The following CSTPP1 variants were observed in gnomAD, a reference collection of about 807,000 sequenced individuals.
CSTPP1 encodes centriolar satellite-associated tubulin polyglutamylase complex regulator 1, also known as UPF0705 protein C11orf49.
At chr11:46,973,632 C>A in the CSTPP1 span, among the ~76,000 whole-genome samples, 1 of 152,132 alleles carries the variant, frequency 6.6e-6, no homozygotes, top group Non-Finnish European at 1.5e-5. Flanking sequence ...GAATCAGTCC[C>A]ATTTAAGTAC....
chr11:46,939,063 C>T, the CSTPP1 span, among the ~76,000 whole-genome samples: 1 of 147,118 alleles, frequency 6.8e-6, no homozygotes, highest in Non-Finnish European at 1.5e-5. Flanking sequence ...AGGTGTGAGT[C>T]ACTGCACCTG....
At chr11:47,072,426 T>C in the CSTPP1 span, among the ~76,000 whole-genome samples, 1 of 152,340 alleles carries the variant, frequency 6.6e-6, no homozygotes, top group Non-Finnish European at 1.5e-5. Context: ...TTATATAACG[T>C]AGGCTTTACC....
At chr11:46,968,296 T>C in the CSTPP1 span, among the ~76,000 whole-genome samples, 3 of 149,624 alleles carry the variant, frequency 2.0e-5, no homozygotes, top group Non-Finnish European at 4.4e-5. Flanking sequence ...CAAGCAAAAA[T>C]GTAAACATCC....
At chr11:47,074,373 C>G in the CSTPP1 span, among the ~76,000 whole-genome samples, 7 of 151,082 alleles carry the variant, frequency 4.6e-5, no homozygotes, top group African/African-American at 1.7e-4. Context: ...TAGTGGCTCA[C>G]GCCTCTGGCC....
chr11:47,127,682 C>A, the CSTPP1 span, among the ~76,000 whole-genome samples: 12 of 151,936 alleles, frequency 7.9e-5, 2 homozygotes, highest in African/African-American at 2.9e-4. Context: ...CCTTAATTTA[C>A]CATCTCTTCC....
At chr11:47,081,270 A>G in the CSTPP1 span, among the ~76,000 whole-genome samples, 2 of 152,154 alleles carry the variant, frequency 1.3e-5, no homozygotes, top group Non-Finnish European at 2.9e-5. Context: ...GCTCATACAG[A>G]AAAAATATGT....
the CSTPP1 span, among the ~76,000 whole-genome samples, chr11:47,065,526 C>T: frequency 1.3e-5 from 2 of 152,120 alleles, no homozygotes; most frequent in African/African-American, 4.8e-5. Flanking sequence ...AATCTTCCTG[C>T]CTCTGCCTTC....
chr11:47,051,504 T>C, the CSTPP1 span, among the ~76,000 whole-genome samples: 5 of 152,090 alleles, frequency 3.3e-5, no homozygotes, highest in Admixed American at 1.3e-4. Context: ...GTTTCTATTT[T>C]CCTTTCTTGT....
the CSTPP1 span, among the ~76,000 whole-genome samples, chr11:47,157,463 G>C: frequency 5.2e-4 from 79 of 152,222 alleles, 2 homozygotes; most frequent in Non-Finnish European, 1.8e-4. Flanking sequence ...CTGGGTGACA[G>C]ACTGGCCTTA....
At chr11:46,958,507 G>C in the CSTPP1 span, among the ~76,000 whole-genome samples, 1 of 151,952 alleles carries the variant, frequency 6.6e-6, no homozygotes, top group Non-Finnish European at 1.5e-5. Flanking sequence ...ATAGAGTCTC[G>C]CTATATTGTC....
At chr11:46,971,158 C>T in the CSTPP1 span, among the ~76,000 whole-genome samples, 3 of 152,076 alleles carry the variant, frequency 2.0e-5, no homozygotes, top group African/African-American at 2.4e-5. Context: ...CATAAGAGGG[C>T]GCTTATCCTG....
At chr11:47,082,149 C>CAAAAAAAAAA in the CSTPP1 span, among the ~76,000 whole-genome samples, 1 of 83,302 alleles carries the variant, frequency 1.2e-5, no homozygotes, top group Non-Finnish European at 2.4e-5. Flanking sequence ...GACCCTGTCT[C>CAAAAAAAAAA]AAAAAAAAAA....
the CSTPP1 span, among the ~76,000 whole-genome samples, chr11:47,088,247 A>G: frequency 3.3e-5 from 5 of 152,370 alleles, 1 homozygote; most frequent in Middle Eastern, 6.8e-3. Context: ...AACAATCTAA[A>G]AAGTACTCAG....
chr11:47,142,568 G>C, the CSTPP1 span, among the ~76,000 whole-genome samples: 2 of 152,120 alleles, frequency 1.3e-5, no homozygotes, highest in South Asian at 4.2e-4. Flanking sequence ...CCACCACTCT[G>C]TGACGTATGA....
chr11:47,052,236 A>G, the CSTPP1 span: 1 of 968,158 alleles, frequency 1.0e-6, no homozygotes, highest in Non-Finnish European at 1.5e-6. Context: ...ACTTCCCCAT[A>G]GAAGGACTAG....
At chr11:47,067,911 G>A in the CSTPP1 span, among the ~76,000 whole-genome samples, 5 of 152,024 alleles carry the variant, frequency 3.3e-5, no homozygotes, top group Non-Finnish European at 7.4e-5. Context: ...TTGTGAGTAT[G>A]GCCGTGTTGT....
chr11:47,025,671 T>A, the CSTPP1 span, among the ~76,000 whole-genome samples: 1,364 of 152,276 alleles, frequency 9.0e-3, 20 homozygotes, highest in African/African-American at 0.03. Flanking sequence ...ATAAAAATAG[T>A]GTTTAGTTTT....
chr11:46,939,082 CTT>C, the CSTPP1 span, among the ~76,000 whole-genome samples: 4 of 84,738 alleles, frequency 4.7e-5, no homozygotes, highest in Non-Finnish European at 9.1e-5. Flanking sequence ...TGGCTTACAT[CTT>C]TTTTTTTTTT....
the CSTPP1 span, among the ~76,000 whole-genome samples, chr11:46,960,561 T>A: frequency 6.6e-6 from 1 of 152,162 alleles, no homozygotes. Flanking sequence ...CATAATGTTT[T>A]TAAGATTCAT....
Sources: gnomAD v4.1 joint callset for allele counts (sites outside exome capture counted in the v4.1 genomes callset) on GRCh38, gnomAD v4.1.1 for gene constraint, MANE v1.5 for transcripts, NCBI Gene and HGNC (gene_info 2026-07-23, HGNC 2026-07-21) for gene names.